Variants in PPP1R9A observed in about 807,000 individuals in gnomAD.
PPP1R9A encodes the protein protein phosphatase 1 regulatory subunit 9A, also known as neurabin-1.
A neutral mutation model predicts 141.9 loss-of-function variants in PPP1R9A; 59 were observed. That is an observed-to-expected ratio of 0.42 (90% CI 0.34 to 0.52). The LOEUF (loss-of-function observed/expected upper bound fraction) is 0.52. PPP1R9A is among the 20% of genes least tolerant of loss of function. PPP1R9A has a pLI of 0.10. For synonymous variants in PPP1R9A, 500 were observed against 569.7 expected, an observed-to-expected ratio of 0.88 and a Z score of 1.74; for missense variants, 1,444 against 1,611.9, an observed-to-expected ratio of 0.90 and a Z score of 1.78.
chr7:95,042,195 A>C (rs1281480854), intron 2 of PPP1R9A, among the ~76,000 whole-genome samples: 1 of 152,160 alleles, frequency 6.6e-6, no homozygotes, highest in Non-Finnish European at 1.5e-5. Context: ...GATACCAAAA[A>C]TATTCCGTTT....
At chr7:95,200,103 A>T (rs1789207749) in intron 6 of PPP1R9A, among the ~76,000 whole-genome samples, 1 of 151,842 alleles carries the variant, frequency 6.6e-6, no homozygotes, top group Non-Finnish European at 1.5e-5. Flanking sequence ...TTCCATGAAT[A>T]TGAAATAAGA....
chr7:94,919,301 A>ATTTTTTTT (rs757456894), intron 2 of PPP1R9A, among the ~76,000 whole-genome samples: 6 of 106,164 alleles, frequency 5.7e-5, no homozygotes, highest in Non-Finnish European at 5.7e-5. Context: ...GGATAATTAC[A>ATTTTTTTT]TTTTTTTTTT....
intron 5 of PPP1R9A, among the ~76,000 whole-genome samples, chr7:95,189,948 A>ATACT (rs368069391): frequency 5.0e-4 from 76 of 152,008 alleles, no homozygotes; most frequent in Middle Eastern, 6.8e-3. Context: ...TTTCATCCAT[A>ATACT]TACTGTATTT....
At chr7:95,229,724 C>T (rs1795651951) in intron 8 of PPP1R9A, among the ~76,000 whole-genome samples, 1 of 152,112 alleles carries the variant, frequency 6.6e-6, no homozygotes, top group Non-Finnish European at 1.5e-5. Context: ...CTCTTGGGAG[C>T]TCTGTGGCCC....
Position 95,293,227 on chromosome 7 carries a change from C to T in PPP1R9A, c.*2924C>T, listed in dbSNP as rs1321988138. 1 of 152,154 alleles carries T rather than the reference C, an allele frequency of 6.6e-6. No individual in the cohort carries two copies. The highest frequency in any genetic ancestry group is 2.4e-5 in the African/African-American group (1 of 41,432). 9.4% of individuals were successfully genotyped at this position (152,154 alleles called of 1,614,324 possible). A position where few individuals can be genotyped will look rare whatever the true frequency, so the allele number is the denominator to read the frequency against. On this transcript the variant is annotated 3_prime_UTR_variant, in exon 20 of 20. Coordinates refer to ENST00000433360, the MANE Select transcript of PPP1R9A (RefSeq NM_001166160.2). Reference sequence around the variant, plus strand: ...CCATTAAAGGATGTTAGTTTTATAACAGATTACTTTGTTTAAGACCATCTC... The same window carrying T: ...CCATTAAAGGATGTTAGTTTTATAATAGATTACTTTGTTTAAGACCATCTC...
chr7:95,041,629 G>A (rs1018801484), intron 2 of PPP1R9A, among the ~76,000 whole-genome samples: 21 of 151,872 alleles, frequency 1.4e-4, no homozygotes, highest in African/African-American at 4.1e-4. Flanking sequence ...GCTGTGCTTC[G>A]TTCAGTTTTC....
At chr7:95,219,485 C>T (rs1002474106) in intron 7 of PPP1R9A, among the ~76,000 whole-genome samples, 1 of 152,008 alleles carries the variant, frequency 6.6e-6, no homozygotes, top group Non-Finnish European at 1.5e-5. Flanking sequence ...TTGTGGCGTT[C>T]TCTGTATTTC....
At chr7:94,942,202 A>G (rs1408491632) in intron 2 of PPP1R9A, among the ~76,000 whole-genome samples, 1 of 152,106 alleles carries the variant, frequency 6.6e-6, no homozygotes, top group Non-Finnish European at 1.5e-5. Flanking sequence ...CTCAGAAGCC[A>G]TAATAGCACT....
chr7:95,279,608 C>A (rs1213762463), intron 16 of PPP1R9A, among the ~76,000 whole-genome samples: 1 of 152,140 alleles, frequency 6.6e-6, no homozygotes, highest in African/African-American at 2.4e-5. Context: ...AACACTTTTC[C>A]ATACTTAAAA....
intron 2 of PPP1R9A, chr7:95,037,070 C>T (rs1808524515): frequency 6.6e-6 from 1 of 152,086 alleles, no homozygotes; most frequent in Non-Finnish European, 1.5e-5. Flanking sequence ...GAGATACATA[C>T]TGAAGTATTC....
chr7:94,986,249 C>T (rs1320795789), intron 2 of PPP1R9A, among the ~76,000 whole-genome samples: 2 of 152,034 alleles, frequency 1.3e-5, no homozygotes, highest in Non-Finnish European at 2.9e-5. Flanking sequence ...TATTCTTGTC[C>T]ACTTGACTTC....
intron 2 of PPP1R9A, chr7:95,036,945 C>T (rs2151864791): frequency 6.6e-6 from 1 of 152,300 alleles, no homozygotes; most frequent in South Asian, 2.1e-4. Flanking sequence ...AATGGCAACA[C>T]TAGTGGTGAA....
At position 95,284,034 on chromosome 7, in the gene PPP1R9A, C is replaced by A. The variant is rs377579777; in HGVS notation, c.3313C>A (p.Leu1105Met). ...SAGSRIFRGR[L>M]ENWTPKPCST... ...ACAAAACAGGATCTTCAGAGGCAGACTGGAAAACTGGACACCCAAGCCATG... is the reference window on the plus strand; with the variant it reads ...ACAAAACAGGATCTTCAGAGGCAGAATGGAAAACTGGACACCCAAGCCATG... The change falls in exon 17 of 20, where the codon CTG becomes ATG. Residue 1105 changes from leucine (L) to methionine (M), a missense_variant. Physicochemically the swap from Leu to Met is conservative, Grantham distance 15. Coordinates refer to ENST00000433360, the MANE Select transcript of PPP1R9A (RefSeq NM_001166160.2). 2.3e-5 allele frequency: 36 copies of A among 1,594,724 alleles called. No homozygotes were observed. In the African/African-American group the frequency reaches 3.3e-4, roughly 15 times the overall value.
At chr7:95,030,515 A>C (rs1807517083) in intron 2 of PPP1R9A, among the ~76,000 whole-genome samples, 1 of 151,980 alleles carries the variant, frequency 6.6e-6, no homozygotes, top group African/African-American at 2.4e-5. Flanking sequence ...TTAATTTTGC[A>C]CAGATTGAGA....
Position 95,292,042 on chromosome 7 carries a change from T to C in PPP1R9A, c.*1739T>C, listed in dbSNP as rs1012466764. ...AGAGTATTGTCGGTTATGCGTCAGC[T>C]CTTTTGTCATTAGGTACAGACCCTT... is the stretch of plus-strand genomic sequence containing the variant. On this transcript the variant is annotated 3_prime_UTR_variant, in exon 20 of 20. Transcript: ENST00000433360. The C allele has an allele frequency of 6.6e-6, 1 of 152,186 alleles. No homozygotes were observed. The highest frequency in any genetic ancestry group is 6.5e-5 in the Admixed American group (1 of 15,272). 9.4% of individuals were successfully genotyped at this position (152,186 alleles called of 1,614,324 possible).
In PPP1R9A at chr7:95,153,399, C is replaced by T. The variant is rs190396562; in HGVS notation, c.1650-8468C>T. 1.6e-4 allele frequency among the ~76,000 whole-genome samples: 25 copies of T among 152,254 alleles called. No individual in the cohort carries two copies. The East Asian group carries it at 4.4e-3, about 27-fold the overall frequency. ...AGAATCATGATTCAGTTCAGTCAAACAGTTTTACTTTTTTATCATTTTAAG... is the reference window on the plus strand; with the variant it reads ...AGAATCATGATTCAGTTCAGTCAAATAGTTTTACTTTTTTATCATTTTAAG... On this transcript the variant is annotated intron_variant, in intron 4 of 19. Coordinates refer to ENST00000433360, the MANE Select transcript of PPP1R9A (RefSeq NM_001166160.2).
chr7:95,287,832 T>C (rs1318097047), intron 18 of PPP1R9A, among the ~76,000 whole-genome samples: 2 of 152,094 alleles, frequency 1.3e-5, no homozygotes, highest in African/African-American at 4.8e-5. Context: ...ATTACAGGCA[T>C]GCGCCACCAC....
chr7:95,026,893 A>G (rs1584341072), intron 2 of PPP1R9A, among the ~76,000 whole-genome samples: 1 of 152,098 alleles, frequency 6.6e-6, no homozygotes, highest in East Asian at 1.9e-4. Context: ...TGAGGGGAAA[A>G]CCACGTACTC....
chr7:95,160,683 T>A (rs991420747), intron 4 of PPP1R9A, among the ~76,000 whole-genome samples: 2 of 152,100 alleles, frequency 1.3e-5, no homozygotes, highest in Non-Finnish European at 2.9e-5. Context: ...TCTCTTCCTT[T>A]CCCCTCTAGT....
Sources: allele counts gnomAD v4.1 joint callset (sites outside exome capture counted in the v4.1 genomes callset), GRCh38; gene constraint gnomAD v4.1.1; transcripts MANE v1.5; gene names NCBI Gene and HGNC (gene_info 2026-07-23, HGNC 2026-07-21).